TRPC7: variants seen among roughly 807,000 people sequenced by gnomAD.
TRPC7 encodes transient receptor potential cation channel subfamily C member 7.
Under a neutral mutation model 90.1 loss-of-function variants are expected in TRPC7, and 42 were observed. The observed-to-expected ratio is 0.47, with a 90% CI of 0.36 to 0.60. The LOEUF is 0.60. Ranked by LOEUF, TRPC7 falls within the 20% of genes least tolerant of loss-of-function variation. The pLI, the probability that TRPC7 is intolerant of heterozygous loss-of-function variation, is 0.00. For missense variants in TRPC7, 955 were observed against 1,112.3 expected (o/e 0.86, Z 2.01); for synonymous variants, 451 against 436.3 (o/e 1.03, Z -0.42).
intron 8 of TRPC7, 64 bp downstream of exon 8, chr5:136,231,290 T>A: frequency 1.4e-6 from 2 of 1,405,866 alleles, no homozygotes; most frequent in South Asian, 1.5e-5. Flanking sequence ...ATTCCCCTCA[T>A]TGCTGAAAAA....
rs757044773 is a variant in TRPC7, at chr5:136,356,664, C to A, written c.724G>T (p.Ala242Ser). 11 of 1,580,846 alleles carry A rather than the reference C, an allele frequency of 7.0e-6. No homozygotes were observed. In the South Asian group the frequency reaches 1.1e-4, roughly 17 times the overall value. The change falls in exon 2 of 12, where the codon GCC becomes TCC. Residue 242 changes from alanine (A) to serine (S), a missense_variant. Physicochemically the swap from Ala to Ser is moderately conservative, Grantham distance 99 (BLOSUM62 1). Transcript: ENST00000513104. ...SLSSEDPVLT[A>S]LELSNELARL... ...GCTAACTCGTTGCTGAGCTCCAGGG[C>A]GGTGAGGACAGGGTCTTCGCTGGAC...
Position 136,247,419 on chromosome 5 carries a change from G to T in TRPC7, c.1844+52C>A. 1 of 1,551,492 alleles carries T rather than the reference G, an allele frequency of 6.4e-7. No individual in the cohort carries two copies. The highest frequency in any genetic ancestry group is 1.4e-5 in the African/African-American group (1 of 73,204). On this transcript the variant is annotated intron_variant, in intron 7 of 11. Transcript: ENST00000513104. The surrounding 1 kb of genome is among the most constrained non-coding windows in gnomAD (Gnocchi z 4.2). ...AAGCCACCTTCAGGAGACTCCCAAG[G>T]ATTCCCAGGAAGCCCAGGGAGAACC...
At chr5:136,342,706 T>G (rs1275368130) in intron 2 of TRPC7, among the ~76,000 whole-genome samples, 3 of 152,212 alleles carry the variant, frequency 2.0e-5, no homozygotes, top group Non-Finnish European at 4.4e-5. Context: ...GTTTATAAAG[T>G]GTTGACAAAA....
At chr5:136,360,435 C>A (rs1428860819) in intron 1 of TRPC7, among the ~76,000 whole-genome samples, 1 of 152,138 alleles carries the variant, frequency 6.6e-6, no homozygotes, top group Non-Finnish European at 1.5e-5. Flanking sequence ...GGTAGGGCAT[C>A]ATATAAATCT....
chr5:136,320,356 G>T (rs556768895), intron 2 of TRPC7, among the ~76,000 whole-genome samples: 1 of 152,140 alleles, frequency 6.6e-6, no homozygotes, highest in South Asian at 2.1e-4. Context: ...CTCCCAACTG[G>T]TCTCTCCGAC....
At chr5:136,263,612 T>C (rs995129163) in intron 5 of TRPC7, among the ~76,000 whole-genome samples, 2 of 151,744 alleles carry the variant, frequency 1.3e-5, no homozygotes, top group Admixed American at 1.3e-4. Context: ...ATGGGAGATA[T>C]AAAAGAGAAC....
chr5:136,282,745 G>C (rs1392166), intron 3 of TRPC7, among the ~76,000 whole-genome samples: 1 of 152,112 alleles, frequency 6.6e-6, no homozygotes, highest in Non-Finnish European at 1.5e-5. Flanking sequence ...GTGTAACCCA[G>C]ATGTTCCAGG....
At chr5:136,227,584 C>A (rs1316063208) in intron 8 of TRPC7, among the ~76,000 whole-genome samples, 1 of 152,136 alleles carries the variant, frequency 6.6e-6, no homozygotes, top group Non-Finnish European at 1.5e-5. Context: ...TACTTGGGGA[C>A]ATCCTATAAG....
chr5:136,269,732 G>A (rs1187358078), intron 4 of TRPC7, among the ~76,000 whole-genome samples: 2 of 152,144 alleles, frequency 1.3e-5, no homozygotes, highest in African/African-American at 4.8e-5. Context: ...AAATGTTAGC[G>A]AGATCCTGGT....
chr5:136,307,096 A>G (rs1051225768), intron 3 of TRPC7, among the ~76,000 whole-genome samples: 3 of 152,230 alleles, frequency 2.0e-5, no homozygotes, highest in Non-Finnish European at 4.4e-5. Context: ...ATTAAATCAA[A>G]TTAATTAACA....
chr5:136,244,896 G>A (rs946443310), intron 7 of TRPC7, among the ~76,000 whole-genome samples: 3 of 152,164 alleles, frequency 2.0e-5, no homozygotes, highest in Non-Finnish European at 2.9e-5. Context: ...CAGAAAGGGC[G>A]CTATAGACCA....
intron 2 of TRPC7, among the ~76,000 whole-genome samples, chr5:136,348,417 T>C (rs1760078721): frequency 6.6e-6 from 1 of 152,192 alleles, no homozygotes; most frequent in African/African-American, 2.4e-5. Context: ...TGTCCATTTA[T>C]CTCTTTTATT....
intron 3 of TRPC7, among the ~76,000 whole-genome samples, chr5:136,275,151 C>A (rs1757324130): frequency 6.6e-6 from 1 of 152,132 alleles, no homozygotes; most frequent in African/African-American, 2.4e-5. Flanking sequence ...TCAATTCAGG[C>A]TGTTCAGCTG....
intron 10 of TRPC7, among the ~76,000 whole-genome samples, chr5:136,223,001 G>T (rs998043088): frequency 6.6e-6 from 1 of 152,238 alleles, no homozygotes; most frequent in Admixed American, 6.5e-5. Flanking sequence ...GACTCAGGAC[G>T]ATGCCACACA....
intron 3 of TRPC7, among the ~76,000 whole-genome samples, chr5:136,290,288 T>A (rs1192880297): frequency 1.3e-5 from 2 of 152,098 alleles, no homozygotes; most frequent in Non-Finnish European, 2.9e-5. Context: ...CAAAGCTGGA[T>A]GGAGAATGAC....
At chr5:136,262,925 G>C (rs757761628) in intron 5 of TRPC7, among the ~76,000 whole-genome samples, 1 of 152,154 alleles carries the variant, frequency 6.6e-6, no homozygotes, top group Non-Finnish European at 1.5e-5. Context: ...AGGCTGAGGT[G>C]ATTAGATGTT....
intron 5 of TRPC7, among the ~76,000 whole-genome samples, chr5:136,254,244 A>G (rs1421376365): frequency 6.6e-6 from 1 of 152,216 alleles, no homozygotes; most frequent in African/African-American, 2.4e-5. Context: ...TAAACCACGG[A>G]TTTTTGATGT....
At chr5:136,325,382 A>G (rs1456392951) in intron 2 of TRPC7, among the ~76,000 whole-genome samples, 1 of 152,148 alleles carries the variant, frequency 6.6e-6, no homozygotes, top group African/African-American at 2.4e-5. Context: ...AGCTGATGTG[A>G]GAAGTAGGGT....
At chr5:136,245,976 T>C (rs1265373527) in intron 7 of TRPC7, among the ~76,000 whole-genome samples, 2 of 152,198 alleles carry the variant, frequency 1.3e-5, no homozygotes, top group Non-Finnish European at 2.9e-5. Flanking sequence ...TTCTCGGTGC[T>C]ACCGATGGCT....
Sources: gnomAD v4.1 joint callset for allele counts (sites outside exome capture counted in the v4.1 genomes callset) on GRCh38, gnomAD v4.1.1 for gene constraint, Gnocchi (gnomAD v3.1) non-coding constraint, MANE v1.5 for transcripts, NCBI Gene and HGNC (gene_info 2026-07-23, HGNC 2026-07-21) for gene names.